The following MRC1 variants were observed in gnomAD, a reference collection of about 807,000 sequenced individuals.
MRC1 encodes the protein mannose receptor C-type 1, also known as macrophage mannose receptor 1.
Under a neutral mutation model 102.9 loss-of-function variants are expected in MRC1, and 62 were observed. That is an observed-to-expected ratio of 0.60 (90% CI 0.49 to 0.74). MRC1 has a LOEUF of 0.74. Ranked by LOEUF, MRC1 falls within the 30% of genes least tolerant of loss-of-function variation. The pLI, the probability that MRC1 is intolerant of heterozygous loss-of-function variation, is 0.00. For missense variants in MRC1, 1,237 were observed against 862.8 expected (o/e 1.43, Z -5.43); for synonymous variants, 457 against 298.4 (o/e 1.53, Z -5.48).
At chr10:17,892,978 C>G (rs1264921475) in intron 22 of MRC1, among the ~76,000 whole-genome samples, 2 of 149,996 alleles carry the variant, frequency 1.3e-5, no homozygotes, top group Non-Finnish European at 3.0e-5. Flanking sequence ...CCACTGCAAT[C>G]CAGCCTGGCG....
chr10:17,851,458 T>C (rs1369442056), intron 7 of MRC1, among the ~76,000 whole-genome samples: 1 of 152,182 alleles, frequency 6.6e-6, no homozygotes, highest in East Asian at 1.9e-4. Context: ...TTAAGACCTA[T>C]ACACGTAAGT....
At position 17,880,616 on chromosome 10, in the gene MRC1, C is replaced by T; in HGVS notation, c.2811C>T (p.Thr937=). 2.6e-6 allele frequency: 2 copies of T among 780,828 alleles called. No homozygotes were observed. Among genetic ancestry groups the T allele is most frequent in the South Asian group, 1.3e-5 (1 of 74,612 alleles). 48.4% of individuals were successfully genotyped at this position (780,828 alleles called of 1,614,324 possible). The part of the protein sequence containing the change: ...SSINATTVMP[T]MPSVPSGCKE... The stretch of plus-strand genomic sequence containing the variant: ...TCAATGCTACCACAGTTATGCCTAC[C>T]ATGCCCTCGGTCCCATCAGGGTGCA... The change falls in exon 20 of 30, where the codon ACC becomes ACT. Residue 937 remains threonine (T), a synonymous_variant. Transcript: ENST00000569591.
chr10:17,885,656 G>C (rs1208066329), intron 22 of MRC1, among the ~76,000 whole-genome samples: 3 of 152,104 alleles, frequency 2.0e-5, no homozygotes, highest in African/African-American at 7.2e-5. Context: ...GAGAGGTCAG[G>C]AAACCCAGTT....
At chr10:17,839,609 G>A (rs1171706145) in intron 4 of MRC1, among the ~76,000 whole-genome samples, 2 of 152,042 alleles carry the variant, frequency 1.3e-5, no homozygotes, top group Non-Finnish European at 2.9e-5. Flanking sequence ...AGGAGTTGGA[G>A]AGCAACCTGA....
chr10:17,817,045 C>G (rs1037474410), intron 1 of MRC1, among the ~76,000 whole-genome samples: 1 of 151,978 alleles, frequency 6.6e-6, no homozygotes, highest in Non-Finnish European at 1.5e-5. Flanking sequence ...ATCAGGAGTT[C>G]GAGACCAGCC....
At chr10:17,890,905 G>C (rs1175540487) in intron 22 of MRC1, among the ~76,000 whole-genome samples, 1 of 151,994 alleles carries the variant, frequency 6.6e-6, no homozygotes, top group Non-Finnish European at 1.5e-5. Flanking sequence ...ATCACTGCCT[G>C]AGCTCCGCCT....
rs797023300 is a variant in MRC1 at position 17,834,602 on chromosome 10, C to T, written c.802+763C>T. Among the ~76,000 whole-genome samples, 11 of 152,024 alleles carry T rather than the reference C, an allele frequency of 7.2e-5. No individual in the cohort carries two copies. The South Asian group carries it at 1.0e-3, about 14-fold the overall frequency. On this transcript the variant is annotated intron_variant, in intron 4 of 29. Transcript: ENST00000569591. ...TAATTTTTTGTATTTTTAGTAGAGACGGGGTTTCACTAGGTTGGACAGGCT... is the reference window on the plus strand; with the variant it reads ...TAATTTTTTGTATTTTTAGTAGAGATGGGGTTTCACTAGGTTGGACAGGCT...
chr10:17,835,507 G>T (rs1838649386), intron 4 of MRC1, among the ~76,000 whole-genome samples: 1 of 152,118 alleles, frequency 6.6e-6, no homozygotes, highest in African/African-American at 2.4e-5. Context: ...AATAAGTCCT[G>T]CATGGAAAGC....
rs545230517 is a variant in MRC1 at position 17,811,814 on chromosome 10, T to A, written c.61+2288T>A. Among the ~76,000 whole-genome samples, 5 of 152,282 alleles carry A rather than the reference T, an allele frequency of 3.3e-5. No individual in the cohort carries two copies. In the East Asian group the frequency reaches 9.7e-4, roughly 29 times the overall value. On this transcript the variant is annotated intron_variant, in intron 1 of 29. Transcript: ENST00000569591. ...CTTGCTCAGGCCGATCTCAAACTTC[T>A]GGGCTCTGGTGATCCTCCCACTTTG...
intron 7 of MRC1, among the ~76,000 whole-genome samples, chr10:17,852,544 A>G (rs1467216348): frequency 6.6e-6 from 1 of 152,234 alleles, no homozygotes; most frequent in African/African-American, 2.4e-5. Flanking sequence ...CAATTTAATC[A>G]TAGTCAAACA....
intron 22 of MRC1, among the ~76,000 whole-genome samples, chr10:17,887,825 A>T (rs1014657172): frequency 1.3e-5 from 2 of 152,134 alleles, no homozygotes; most frequent in Non-Finnish European, 2.9e-5. Context: ...TTTTTTTGAG[A>T]TGGAGTCTCA....
chr10:17,828,072 C>CTTTA (rs1405359434), intron 3 of MRC1, among the ~76,000 whole-genome samples: 4 of 152,076 alleles, frequency 2.6e-5, no homozygotes, highest in Non-Finnish European at 4.4e-5. Flanking sequence ...CAAGTGACCT[C>CTTTA]TTTATTTATT....
intron 2 of MRC1, 50 bp downstream of exon 2, chr10:17,823,525 T>C (rs1838428836): frequency 1.3e-6 from 1 of 779,744 alleles, no homozygotes. Flanking sequence ...CTCGTCTTCT[T>C]AGTTGGAACC....
chr10:17,842,148 T>C (rs1217648676), intron 5 of MRC1, among the ~76,000 whole-genome samples: 1 of 152,092 alleles, frequency 6.6e-6, no homozygotes. Flanking sequence ...TTTTTTGTAG[T>C]GATGGGATTT....
intron 22 of MRC1, among the ~76,000 whole-genome samples, chr10:17,887,494 G>GA (rs1399009584): frequency 4.5e-4 from 68 of 152,338 alleles, no homozygotes; most frequent in Non-Finnish European, 9.0e-4. Flanking sequence ...AATGAGGGCT[G>GA]AAAGACTTAC....
chr10:17,898,538 A>G (rs1027417342), intron 24 of MRC1, among the ~76,000 whole-genome samples: 2 of 152,208 alleles, frequency 1.3e-5, no homozygotes. Context: ...TTATATTCCA[A>G]ATCTCAACAG....
chr10:17,856,614 A>T (rs1833096870), intron 9 of MRC1, among the ~76,000 whole-genome samples: 1 of 152,156 alleles, frequency 6.6e-6, no homozygotes, highest in Non-Finnish European at 1.5e-5. Flanking sequence ...GAGAACAGGA[A>T]CTAAAAATGG....
intron 23 of MRC1, among the ~76,000 whole-genome samples, chr10:17,894,639 T>A (rs1423166912): frequency 6.6e-6 from 1 of 152,052 alleles, no homozygotes; most frequent in African/African-American, 2.4e-5. Flanking sequence ...CCTCAGGTGA[T>A]CTACCTGCCT....
intron 4 of MRC1, among the ~76,000 whole-genome samples, chr10:17,834,391 T>C (rs1838629274): frequency 6.6e-6 from 1 of 152,066 alleles, no homozygotes; most frequent in Non-Finnish European, 1.5e-5. Flanking sequence ...TTGGTTTTGA[T>C]GTTGTTTTGT....
Sources: gnomAD v4.1 joint callset for allele counts (sites outside exome capture counted in the v4.1 genomes callset) on GRCh38, gnomAD v4.1.1 for gene constraint, MANE v1.5 for transcripts, NCBI Gene and HGNC (gene_info 2026-07-23, HGNC 2026-07-21) for gene names.